Variants in ADGRV1 observed in about 807,000 individuals in gnomAD.
ADGRV1 encodes the protein adhesion G protein-coupled receptor V1.
In ADGRV1, 359 loss-of-function variants were observed where a neutral mutation model predicts 596.2. The observed-to-expected ratio is 0.60, with a 90% confidence interval of 0.55 to 0.66. The LOEUF is 0.66. Ranked by LOEUF, ADGRV1 falls within the 30% of genes least tolerant of loss-of-function variation. The pLI is 0.00. For missense variants in ADGRV1, 7,274 were observed against 7,575.6 expected (o/e 0.96, Z 1.48); for synonymous variants, 2,681 against 2,679.2 (o/e 1.00, Z -0.02).
chr5:91,111,773 G>A (rs1792389216), intron 87 of ADGRV1, among the ~76,000 whole-genome samples: 1 of 152,072 alleles, frequency 6.6e-6, no homozygotes, highest in Non-Finnish European at 1.5e-5. Flanking sequence ...GGGAGGCTGG[G>A]ACTCTATCAT....
chr5:90,918,681 A>G (rs2150728258), intron 83 of ADGRV1, among the ~76,000 whole-genome samples: 1 of 152,322 alleles, frequency 6.6e-6, no homozygotes, highest in African/African-American at 2.4e-5. Flanking sequence ...TGAGATATCT[A>G]TATATAAACA....
chr5:90,675,355 A>G lies in ADGRV1; in HGVS notation c.5223A>G (p.Leu1741=). 6.2e-7 allele frequency: 1 copy of G among 1,613,852 alleles called. No homozygotes were observed. Among genetic ancestry groups the G allele is most frequent in the South Asian group, 1.1e-5 (1 of 91,050 alleles). The change falls in exon 24 of 90, where the codon TTA becomes TTG. Residue 1741 remains leucine, a synonymous_variant. Coordinates refer to ENST00000405460, the MANE Select transcript of ADGRV1 (RefSeq NM_032119.4). ...TVEEEDGEIR[L]LVIRAQGLLG... is the part of the protein sequence containing the mutation. ...AGGAGGAAGATGGAGAAATCAGGTT[A>G]TTGGTCATCCGTGCACAGGGACTTC...
At chr5:91,043,105 C>T (rs958508819) in intron 85 of ADGRV1, among the ~76,000 whole-genome samples, 12 of 152,152 alleles carry the variant, frequency 7.9e-5, no homozygotes, top group African/African-American at 2.4e-4. Flanking sequence ...TCAGATGTAA[C>T]TCTTATGAGA....
At chr5:90,754,847 A>G in intron 54 of ADGRV1, 136 bp from the exon 55 acceptor site, 2 of 626,038 alleles carry the variant, frequency 3.2e-6, no homozygotes, top group Non-Finnish European at 5.6e-6. Context: ...CCTTGGGAGT[A>G]TACATTGTCT....
intron 83 of ADGRV1, among the ~76,000 whole-genome samples, chr5:90,869,560 C>T (rs927872881): frequency 4.6e-5 from 7 of 152,006 alleles, no homozygotes; most frequent in South Asian, 2.1e-4. Flanking sequence ...TACCATCATC[C>T]GATTAGGATG....
At chr5:90,589,981 T>G (rs1759263388) in intron 1 of ADGRV1, among the ~76,000 whole-genome samples, 1 of 152,220 alleles carries the variant, frequency 6.6e-6, no homozygotes. Flanking sequence ...TACATTTTTT[T>G]CTATTTTAAT....
intron 83 of ADGRV1, among the ~76,000 whole-genome samples, chr5:90,898,117 G>C (rs1001618615): frequency 4.6e-5 from 7 of 152,312 alleles, no homozygotes; most frequent in African/African-American, 1.4e-4. Context: ...ACTTTGGAAA[G>C]TGTTTGTTTC....
At chr5:90,596,228 T>G (rs1580392692) in intron 1 of ADGRV1, among the ~76,000 whole-genome samples, 7 of 126,240 alleles carry the variant, frequency 5.5e-5, no homozygotes, top group African/African-American at 1.5e-4. Context: ...TTCCTAGATG[T>G]GATGGCGGCC....
At chr5:91,103,547 G>C in intron 87 of ADGRV1, among the ~76,000 whole-genome samples, 1 of 151,852 alleles carries the variant, frequency 6.6e-6, no homozygotes, top group East Asian at 1.9e-4. Flanking sequence ...GTGGAACTAA[G>C]AACAAGGTCC....
intron 83 of ADGRV1, among the ~76,000 whole-genome samples, chr5:90,932,798 G>A (rs1775366281): frequency 2.0e-5 from 3 of 151,784 alleles, no homozygotes; most frequent in Non-Finnish European, 4.4e-5. Context: ...CGTGAGTTGT[G>A]TGTGTGTGTG....
At chr5:91,051,988 A>C (rs1323587241) in intron 85 of ADGRV1, among the ~76,000 whole-genome samples, 1 of 152,226 alleles carries the variant, frequency 6.6e-6, no homozygotes, top group East Asian at 1.9e-4. Flanking sequence ...CCATAGACTG[A>C]AGACCACTTG....
At position 90,653,217 on chromosome 5, in the gene ADGRV1, C is replaced by G; in HGVS notation, c.3643C>G (p.Pro1215Ala). ...LKLVNISGGS[P>A]GPGGQLAETN... The stretch of plus-strand genomic sequence containing the variant: ...AAATTTTCTTGTTACAGGTGGATCC[C>G]CAGGTCCTGGGGGCCAGCTAGCAGA... The change falls in exon 20 of 90, where the codon CCA (proline) becomes GCA (alanine). Residue 1215 changes from proline (P) to alanine (A), a missense_variant. By Grantham distance (27) the Pro-to-Ala change is conservative (BLOSUM62 -1). Around this residue, in one of 5 missense-constraint regions of ADGRV1, gnomAD observed 1,715 missense variants for 1,708.8 expected, o/e 1.00. Transcript: ENST00000405460. 6.2e-7 allele frequency: 1 copy of G among 1,606,594 alleles called. No homozygotes were observed. The highest frequency in any genetic ancestry group is 8.5e-7 in the Non-Finnish European group (1 of 1,175,194).
intron 85 of ADGRV1, among the ~76,000 whole-genome samples, chr5:91,048,543 C>G (rs565193289): frequency 3.3e-4 from 51 of 152,310 alleles, no homozygotes; most frequent in Admixed American, 2.0e-4. Context: ...ACAGTTACTT[C>G]TACATAGCAC....
intron 85 of ADGRV1, among the ~76,000 whole-genome samples, chr5:91,066,268 A>G: frequency 6.6e-6 from 1 of 152,156 alleles, no homozygotes; most frequent in East Asian, 1.9e-4. Context: ...CCTTATTTCA[A>G]AAGCTACTCT....
chr5:91,045,849 A>G (rs1198202506), intron 85 of ADGRV1, among the ~76,000 whole-genome samples: 1 of 152,202 alleles, frequency 6.6e-6, no homozygotes, highest in Non-Finnish European at 1.5e-5. Context: ...ATTAATGTAC[A>G]CAAATCAGTA....
At chr5:90,695,461 T>C (rs1158673246) in intron 33 of ADGRV1, among the ~76,000 whole-genome samples, 1 of 151,852 alleles carries the variant, frequency 6.6e-6, no homozygotes. Context: ...ATTTGGGCAG[T>C]TATATATTCC....
chr5:90,760,816 G>A (rs1756436344), intron 58 of ADGRV1, among the ~76,000 whole-genome samples: 1 of 152,138 alleles, frequency 6.6e-6, no homozygotes, highest in Admixed American at 6.5e-5. Flanking sequence ...TGAAAACTAA[G>A]TATTTGTGCA....
At chr5:90,744,526 A>G (rs1331313596) in intron 50 of ADGRV1, among the ~76,000 whole-genome samples, 1 of 152,170 alleles carries the variant, frequency 6.6e-6, no homozygotes, top group Non-Finnish European at 1.5e-5. Context: ...CATATATATT[A>G]TCTATGCACT....
intron 85 of ADGRV1, among the ~76,000 whole-genome samples, chr5:91,027,993 A>G (rs1248372035): frequency 6.6e-6 from 1 of 151,150 alleles, no homozygotes; most frequent in South Asian, 2.1e-4. Context: ...GCTGGAAGAC[A>G]CAAGTGACCC....
Sources: gnomAD v4.1 joint callset for allele counts (sites outside exome capture counted in the v4.1 genomes callset) on GRCh38, gnomAD v4.1.1 for gene constraint, gnomAD v4.1.1 regional missense constraint, MANE v1.5 for transcripts, NCBI Gene and HGNC (gene_info 2026-07-23, HGNC 2026-07-21) for gene names.